Variants in PUM2 observed in about 807,000 individuals in gnomAD.
The protein encoded by PUM2 is pumilio RNA binding family member 2.
A neutral mutation model predicts 124.5 loss-of-function variants in PUM2; 57 were observed. The ratio of observed to expected loss-of-function variants is 0.46; its 90% CI spans 0.37 to 0.57. The LOEUF (loss-of-function observed/expected upper bound fraction) is 0.57, where lower values mean the gene tolerates loss of function less well. Among genes scored for constraint, PUM2 ranks in the 20% least tolerant of loss-of-function variants. The pLI is 0.00. For synonymous variants in PUM2, 460 were observed against 446.1 expected (o/e 1.03, Z -0.39); for missense variants, 1,065 against 1,290.6 (o/e 0.83, Z 2.68).
At chr2:20,328,112 T>G (rs1460081672) in intron 1 of PUM2, among the ~76,000 whole-genome samples, 1 of 152,128 alleles carries the variant, frequency 6.6e-6, no homozygotes, top group African/African-American at 2.4e-5. Flanking sequence ...AGGTGGGTGA[T>G]CACTTGAGGT....
At chr2:20,346,656 T>G (rs1461076883) in intron 1 of PUM2, among the ~76,000 whole-genome samples, 1 of 152,192 alleles carries the variant, frequency 6.6e-6, no homozygotes, top group Non-Finnish European at 1.5e-5. Flanking sequence ...CAAAGAGCTG[T>G]CCTCAAACCA....
At chr2:20,347,287 G>A (rs1688427272) in intron 1 of PUM2, among the ~76,000 whole-genome samples, 1 of 152,030 alleles carries the variant, frequency 6.6e-6, no homozygotes, top group African/African-American at 2.4e-5. Context: ...CCAGCCAAAG[G>A]TCAAATAAAA....
intron 1 of PUM2, among the ~76,000 whole-genome samples, chr2:20,350,007 A>G (rs1688991667): frequency 6.6e-6 from 1 of 152,246 alleles, no homozygotes; most frequent in Non-Finnish European, 1.5e-5. Flanking sequence ...CAAATAGTAG[A>G]AGCCGCTAAT....
chr2:20,322,218 A>G (rs1682543478), intron 2 of PUM2, among the ~76,000 whole-genome samples: 2 of 152,160 alleles, frequency 1.3e-5, no homozygotes, highest in African/African-American at 2.4e-5. Flanking sequence ...TATAGATCTG[A>G]GCTGTCCTGG....
rs530459136 is a variant in PUM2, at chr2:20,257,835, T to G, written c.2484+408A>C. 2.6e-5 allele frequency among the ~76,000 whole-genome samples: 4 copies of G among 152,098 alleles called. No homozygotes were observed. In the South Asian group the frequency reaches 8.3e-4, roughly 32 times the overall value. On this transcript the variant is annotated intron_variant, in intron 16 of 20. Coordinates refer to ENST00000361078, the MANE Select transcript of PUM2 (RefSeq NM_015317.5). ...TTACTTTTCTGCTGGGCTATATTTTTAAAAAAAACATTTTCATATATGTAA... is the reference window on the plus strand; with the variant it reads ...TTACTTTTCTGCTGGGCTATATTTTGAAAAAAAACATTTTCATATATGTAA...
chr2:20,306,530 G>A (rs1558603462), intron 7 of PUM2, among the ~76,000 whole-genome samples: 1 of 151,076 alleles, frequency 6.6e-6, no homozygotes, highest in Non-Finnish European at 1.5e-5. Flanking sequence ...GGGAAAAAAG[G>A]AAAGAGAGGC....
intron 2 of PUM2, among the ~76,000 whole-genome samples, chr2:20,325,474 C>T (rs1420912350): frequency 6.6e-6 from 1 of 152,140 alleles, no homozygotes; most frequent in Non-Finnish European, 1.5e-5. Flanking sequence ...CAGATCATGA[C>T]ATTTTTTTGA....
At chr2:20,294,559 T>C in intron 8 of PUM2, 41 bp from the exon 9 acceptor site, 1 of 1,554,996 alleles carries the variant, frequency 6.4e-7, no homozygotes, top group South Asian at 1.2e-5. Flanking sequence ...AGTTACTAGA[T>C]TTTACATAGA....
At chr2:20,253,163 A>T (rs1663874213) in intron 20 of PUM2, among the ~76,000 whole-genome samples, 1 of 152,208 alleles carries the variant, frequency 6.6e-6, no homozygotes, top group Admixed American at 6.5e-5. Flanking sequence ...AAACATAGGT[A>T]ACAGATGAGA....
At chr2:20,281,460 G>C (rs1200255786) in intron 12 of PUM2, among the ~76,000 whole-genome samples, 2 of 152,082 alleles carry the variant, frequency 1.3e-5, no homozygotes, top group African/African-American at 4.8e-5. Context: ...GAAACATGGG[G>C]TTTAATCAAT....
intron 13 of PUM2, among the ~76,000 whole-genome samples, chr2:20,277,206 T>C (rs1392518173): frequency 6.6e-6 from 1 of 152,124 alleles, no homozygotes; most frequent in Non-Finnish European, 1.5e-5. Flanking sequence ...CAAAAAACTA[T>C]TATGATAAGT....
At chr2:20,337,826 T>G (rs1686438122) in intron 1 of PUM2, among the ~76,000 whole-genome samples, 1 of 152,182 alleles carries the variant, frequency 6.6e-6, no homozygotes, top group Admixed American at 6.5e-5. Flanking sequence ...TTTAATCAGC[T>G]AACCTTCCCC....
In PUM2 at chr2:20,312,269, A is replaced by G. The variant is rs1414011178; in HGVS notation, c.315T>C (p.Asp105=). 2 of 1,608,384 alleles carry G rather than the reference A, an allele frequency of 1.2e-6. No homozygotes were observed. Among genetic ancestry groups the G allele is most frequent in the African/African-American group, 1.3e-5 (1 of 74,750 alleles). The part of the protein sequence containing the change: ...VEYVLSSSPA[D]KLDSRFRKGN... Reference sequence around the variant, plus strand: ...CCTTCCTAAATCGAGAATCCAATTTATCAGCAGGAGAAGAACTTAATACAT... The same window carrying G: ...CCTTCCTAAATCGAGAATCCAATTTGTCAGCAGGAGAAGAACTTAATACAT... The change falls in exon 4 of 21, where the codon GAT becomes GAC. Residue 105 remains aspartate (D), a synonymous_variant. Transcript: ENST00000361078.
At chr2:20,323,683 C>T (rs546777954) in intron 2 of PUM2, among the ~76,000 whole-genome samples, 1 of 152,114 alleles carries the variant, frequency 6.6e-6, no homozygotes, top group South Asian at 2.1e-4. Flanking sequence ...AAACCCACTA[C>T]TTAGGAAGAA....
chr2:20,266,471 C>G (rs943524796), intron 13 of PUM2, among the ~76,000 whole-genome samples: 4 of 146,736 alleles, frequency 2.7e-5, no homozygotes, highest in African/African-American at 1.0e-4. Flanking sequence ...AAAACAACAA[C>G]AACAACAACC....
chr2:20,318,463 A>T (rs1681526364), intron 3 of PUM2, 74 bp downstream of exon 3: 1 of 1,092,378 alleles, frequency 9.2e-7, no homozygotes, highest in African/African-American at 1.6e-5. Flanking sequence ...GACTCACTCT[A>T]AAAAAAAAGG....
intron 2 of PUM2, among the ~76,000 whole-genome samples, chr2:20,319,447 A>C (rs1165038333): frequency 6.6e-6 from 1 of 152,168 alleles, no homozygotes; most frequent in Non-Finnish European, 1.5e-5. Context: ...CTCAACTCTT[A>C]AGTAGGTGTC....
chr2:20,278,650 A>G lies in PUM2; in HGVS notation c.1890T>C (p.Thr630=). The change falls in exon 13 of 21, where the codon ACT becomes ACC. Residue 630 remains threonine (T), a synonymous_variant. Coordinates refer to ENST00000361078, the MANE Select transcript of PUM2 (RefSeq NM_015317.5). ...SPIGMPLPSQ[T]PGHSLTPPPS... ...GCGGTGGCGTAAGTGAATGTCCTGG[A>G]GTTTGGCTTGGCAGAGGCATGCCTA... is the stretch of plus-strand genomic sequence containing the variant. The G allele has an allele frequency of 6.2e-7, 1 of 1,613,478 alleles. No individual in the cohort carries two copies. Among genetic ancestry groups the G allele is most frequent in the Non-Finnish European group, 8.5e-7 (1 of 1,179,680 alleles).
In PUM2 at chr2:20,253,886, T is replaced by C; in HGVS notation, c.2999A>G (p.Asn1000Ser). Residue 1000 changes from asparagine to serine, a missense_variant, in exon 20 of 21, where the codon AAT (asparagine) becomes AGT (serine). Coordinates refer to ENST00000361078, the MANE Select transcript of PUM2 (RefSeq NM_015317.5). ...LYTMMKDQYA[N>S]YVVQKMIDMA... ...ATCAATCATCTTTTGAACCACGTAA[T>C]TGGCATACTGGTCCTTCATCATGGT... 2 of 1,614,066 alleles carry C rather than the reference T, an allele frequency of 1.2e-6. No individual in the cohort carries two copies. Among genetic ancestry groups the C allele is most frequent in the Non-Finnish European group, 1.7e-6 (2 of 1,179,924 alleles).
Sources: allele counts gnomAD v4.1 joint callset (sites outside exome capture counted in the v4.1 genomes callset), GRCh38; gene constraint gnomAD v4.1.1; transcripts MANE v1.5; gene names NCBI Gene and HGNC (gene_info 2026-07-23, HGNC 2026-07-21).